MACROD1: variants seen among roughly 807,000 people sequenced by gnomAD.
MACROD1 encodes the protein ADP-ribose glycohydrolase MACROD1.
In MACROD1, 31 loss-of-function variants were observed where a neutral mutation model predicts 41.4. The observed-to-expected ratio is 0.75, with a 90% confidence interval of 0.56 to 1.01. MACROD1 has a LOEUF of 1.01. MACROD1 is among the 50% of genes least tolerant of loss of function. MACROD1 has a pLI of 0.00. For synonymous variants in MACROD1, 252 were observed against 203.4 expected, an observed-to-expected ratio of 1.24 and a Z score of -2.03; for missense variants, 473 against 460.0, an observed-to-expected ratio of 1.03 and a Z score of -0.26.
At chr11:64,164,719 T>C (rs1565268328) in intron 1 of MACROD1, among the ~76,000 whole-genome samples, 1 of 151,748 alleles carries the variant, frequency 6.6e-6, no homozygotes, top group Non-Finnish European at 1.5e-5. Context: ...GACCCCCCCA[T>C]CCTGCCTGCC....
At chr11:64,032,647 C>T (rs1452023486) in intron 3 of MACROD1, among the ~76,000 whole-genome samples, 2 of 152,132 alleles carry the variant, frequency 1.3e-5, no homozygotes, top group African/African-American at 4.8e-5. Context: ...CGGCTGAGTG[C>T]ATCCCCCATG....
At chr11:64,086,699 G>A (rs896658175) in intron 3 of MACROD1, among the ~76,000 whole-genome samples, 1 of 152,178 alleles carries the variant, frequency 6.6e-6, no homozygotes, top group Non-Finnish European at 1.5e-5. Context: ...GACAGAGAGG[G>A]GGAGAAGGGC....
intron 3 of MACROD1, among the ~76,000 whole-genome samples, chr11:64,095,790 G>C (rs1282309923): frequency 6.6e-6 from 1 of 152,234 alleles, no homozygotes; most frequent in Non-Finnish European, 1.5e-5. Flanking sequence ...AGTGAGCAGG[G>C]GGCTCCTGAA....
intron 3 of MACROD1, chr11:64,116,404 C>T (rs1280291389): frequency 8.7e-6 from 14 of 1,613,866 alleles, no homozygotes; most frequent in South Asian, 2.2e-5. Flanking sequence ...GCCTTCCTGA[C>T]GGAGGTCATC....
intron 1 of MACROD1, among the ~76,000 whole-genome samples, chr11:64,160,252 T>C (rs1176600660): frequency 6.6e-6 from 1 of 152,126 alleles, no homozygotes; most frequent in African/African-American, 2.4e-5. Flanking sequence ...AATCCTAAGA[T>C]TACAATTTGG....
chr11:64,119,566 C>T (rs1017707175), intron 3 of MACROD1, among the ~76,000 whole-genome samples: 2 of 151,904 alleles, frequency 1.3e-5, no homozygotes, highest in African/African-American at 4.8e-5. Context: ...TCCATGGCTG[C>T]TCAAACAAAG....
intron 4 of MACROD1, among the ~76,000 whole-genome samples, chr11:64,003,392 T>C (rs1334136919): frequency 1.3e-5 from 2 of 152,158 alleles, no homozygotes; most frequent in South Asian, 2.1e-4. Flanking sequence ...TGATTTTTTG[T>C]ATTTTTAGTA....
At chr11:64,019,458 A>G (rs1179153750) in intron 3 of MACROD1, among the ~76,000 whole-genome samples, 1 of 152,110 alleles carries the variant, frequency 6.6e-6, no homozygotes, top group Non-Finnish European at 1.5e-5. Context: ...CAGGTGCAGT[A>G]GCTCCCCAGT....
intron 3 of MACROD1, among the ~76,000 whole-genome samples, chr11:64,050,838 C>T (rs746580889): frequency 6.6e-6 from 1 of 152,232 alleles, no homozygotes; most frequent in Non-Finnish European, 1.5e-5. Context: ...AGGCTGGTCT[C>T]GAACTCCTGA....
In MACROD1 at chr11:64,015,291, A is replaced by T; in HGVS notation, c.518-10T>A. On this transcript the variant is annotated splice_polypyrimidine_tract_variant and intron_variant, in intron 3 of 10. Coordinates refer to ENST00000255681, the MANE Select transcript of MACROD1 (RefSeq NM_014067.4). ...AGCAGGGAGCTGTTGGCTGCAAGAG[A>T]GAGAGACAAAGGCAGATCAGTGGGG... 1 of 1,604,788 alleles carries T rather than the reference A, an allele frequency of 6.2e-7. No individual in the cohort carries two copies. Among genetic ancestry groups the T allele is most frequent in the South Asian group, 1.1e-5 (1 of 89,300 alleles).
rs1293276831 is a variant in MACROD1, at chr11:64,146,096, G to C, written c.517+5143C>G. On this transcript the variant is annotated intron_variant, in intron 3 of 10. Coordinates refer to ENST00000255681, the MANE Select transcript of MACROD1 (RefSeq NM_014067.4). The surrounding 1 kb of genome is among the most constrained non-coding windows in gnomAD (Gnocchi z 4.7). ...AGAATGGGGATCTTTCTTTGTGCCC[G>C]GACATGTCCTGCCCAGGACTCTGCT... 6.6e-6 allele frequency among the ~76,000 whole-genome samples: 1 copy of C among 152,176 alleles called. No homozygotes were observed. The highest frequency in any genetic ancestry group is 1.5e-5 in the Non-Finnish European group (1 of 68,018).
rs761911540 is a variant in MACROD1, at chr11:64,117,642, C to A, written c.517+33597G>T. ...CATCCGCATCACGTGGAAGGCCACG[C>A]TCCCCGCCTCCTCTTTCCGGCTCAG... On this transcript the variant is annotated intron_variant, in intron 3 of 10. Coordinates refer to ENST00000255681, the MANE Select transcript of MACROD1 (RefSeq NM_014067.4). 1.2e-6 allele frequency: 2 copies of A among 1,613,640 alleles called. No individual in the cohort carries two copies. The highest frequency in any genetic ancestry group is 1.7e-6 in the Non-Finnish European group (2 of 1,180,054).
intron 3 of MACROD1, among the ~76,000 whole-genome samples, chr11:64,072,109 G>A (rs922526188): frequency 2.6e-4 from 39 of 152,342 alleles, no homozygotes; most frequent in African/African-American, 8.7e-4. Flanking sequence ...ACTCATAACC[G>A]CTGGGGCCTG....
intron 3 of MACROD1, among the ~76,000 whole-genome samples, chr11:64,132,223 GGAGGA>G (rs1945276073): frequency 6.6e-6 from 1 of 152,158 alleles, no homozygotes; most frequent in African/African-American, 2.4e-5. Context: ...AGTGGTCCCG[GGAGGA>G]GAGCTGTTTG....
Position 64,165,923 on chromosome 11 carries a change from C to CG in MACROD1, c.71dup (p.Arg25AlafsTer83), listed in dbSNP as rs1246948011. On this transcript the variant is annotated frameshift_variant, in exon 1 of 11. Coordinates refer to ENST00000255681, the MANE Select transcript of MACROD1 (RefSeq NM_014067.4). LOFTEE classifies it high-confidence loss of function. Reference sequence around the variant, plus strand: ...CCGCCAAGTGTCCGGGCCGGGGGCGCGGGGGGACGAGCAGCTGCCCCGCCG... The same window carrying CG: ...CCGCCAAGTGTCCGGGCCGGGGGCGCGGGGGGGACGAGCAGCTGCCCCGCCG... 3.8e-6 allele frequency: 5 copies of CG among 1,325,840 alleles called. No homozygotes were observed. The highest frequency in any genetic ancestry group is 3.8e-6 in the Non-Finnish European group (4 of 1,044,714). 82.1% of individuals were successfully genotyped at this position (1,325,840 alleles called of 1,614,324 possible).
intron 3 of MACROD1, among the ~76,000 whole-genome samples, chr11:64,041,291 T>C (rs1340239582): frequency 6.8e-6 from 1 of 147,812 alleles, no homozygotes; most frequent in Non-Finnish European, 1.5e-5. Context: ...GGAGCCGGCA[T>C]TTATCTCCAG....
At chr11:64,109,927 C>T (rs1392931560) in intron 3 of MACROD1, among the ~76,000 whole-genome samples, 5 of 152,160 alleles carry the variant, frequency 3.3e-5, no homozygotes, top group East Asian at 1.9e-4. Flanking sequence ...AGGACAGAGA[C>T]GGGCAGCTAC....
intron 3 of MACROD1, chr11:64,035,925 C>T (rs1323434690): frequency 6.8e-6 from 1 of 146,932 alleles, no homozygotes; most frequent in East Asian, 2.0e-4. Flanking sequence ...GCTGGACGCA[C>T]CCCCCGCACT....
intron 3 of MACROD1, chr11:64,081,579 G>C (rs1363929167): frequency 6.6e-6 from 1 of 152,482 alleles, no homozygotes. Flanking sequence ...TATCAGAGCG[G>C]CTGAAGGCAC....
Sources: gnomAD v4.1 joint callset for allele counts (sites outside exome capture counted in the v4.1 genomes callset) on GRCh38, gnomAD v4.1.1 for gene constraint, Gnocchi (gnomAD v3.1) non-coding constraint, MANE v1.5 for transcripts, NCBI Gene and HGNC (gene_info 2026-07-23, HGNC 2026-07-21) for gene names.